Variants in TACC2 observed in about 807,000 individuals in gnomAD.
TACC2 encodes the protein transforming acidic coiled-coil-containing protein 2.
In TACC2, 137 loss-of-function variants were observed where a neutral mutation model predicts 227.3. The observed-to-expected ratio is 0.60, with a 90% CI of 0.52 to 0.69. The LOEUF (loss-of-function observed/expected upper bound fraction) is 0.69. TACC2 is among the 30% of genes least tolerant of loss of function. TACC2 has a pLI of 0.00. For missense variants in TACC2, 3,470 were observed against 3,694.4 expected (o/e 0.94, Z 1.57); for synonymous variants, 1,523 against 1,487.5 (o/e 1.02, Z -0.55).
rs917256555 is a variant in TACC2, at chr10:122,155,363, T to A, written c.5834+11657T>A. On this transcript the variant is annotated intron_variant, in intron 7 of 22. Coordinates refer to ENST00000369005, the MANE Select transcript of TACC2 (RefSeq NM_206862.4). ...CAAAGTAGCCTCTAGAACCAGTGAC[T>A]TTAAACCTTAGAGGAACTCCGTGGA... is the stretch of plus-strand genomic sequence containing the variant. Among the ~76,000 whole-genome samples, 5 of 151,098 alleles carry A rather than the reference T, an allele frequency of 3.3e-5. No homozygotes were observed. The Admixed American group carries it at 3.3e-4, about 10-fold the overall frequency.
chr10:122,113,611 G>A (rs61874298), intron 5 of TACC2, among the ~76,000 whole-genome samples: 24,695 of 152,088 alleles, frequency 0.16, 2,257 homozygotes, highest in East Asian at 0.41. Flanking sequence ...TCCCGCCCTT[G>A]GGGGCCTCCG....
intron 5 of TACC2, among the ~76,000 whole-genome samples, chr10:122,119,039 G>A (rs866652263): frequency 3.3e-5 from 5 of 152,112 alleles, no homozygotes; most frequent in African/African-American, 1.2e-4. Context: ...GTACAGTTTG[G>A]TGGTAAGTAT....
chr10:122,031,171 A>C (rs181824840), intron 2 of TACC2, among the ~76,000 whole-genome samples: 2 of 152,242 alleles, frequency 1.3e-5, no homozygotes, highest in Admixed American at 1.3e-4. Context: ...TAAGCAGAGA[A>C]AGGGATCATT....
At chr10:122,156,499 C>T (rs965404144) in intron 7 of TACC2, among the ~76,000 whole-genome samples, 3 of 152,220 alleles carry the variant, frequency 2.0e-5, no homozygotes, top group African/African-American at 7.2e-5. Context: ...GCTGGGATTA[C>T]AGGCATGAGC....
At chr10:122,048,415 C>CCCTCCCTCCCTT (rs1554979444) in intron 2 of TACC2, among the ~76,000 whole-genome samples, 1 of 131,340 alleles carries the variant, frequency 7.6e-6, no homozygotes, top group Non-Finnish European at 1.6e-5. Context: ...CTCCCTCCCT[C>CCCTCCCTCCCTT]CCTTCCTTCC....
chr10:122,039,089 C>T (rs1315211797), intron 2 of TACC2, among the ~76,000 whole-genome samples: 4 of 152,204 alleles, frequency 2.6e-5, no homozygotes, highest in African/African-American at 9.7e-5. Context: ...GATTCCCCTG[C>T]CTCAGCCTCC....
intron 1 of TACC2, among the ~76,000 whole-genome samples, chr10:121,990,601 T>TCTTCC (rs1001392873): frequency 5.9e-5 from 9 of 151,756 alleles, no homozygotes; most frequent in African/African-American, 2.2e-4. Flanking sequence ...GTCTGCAGAG[T>TCTTCC]CTTGTTTGGC....
chr10:122,010,377 G>C (rs1955774896), intron 1 of TACC2, among the ~76,000 whole-genome samples: 3 of 152,138 alleles, frequency 2.0e-5, no homozygotes, highest in African/African-American at 7.2e-5. Flanking sequence ...TGCTAATCTT[G>C]TCTGCAGAGA....
chr10:122,220,382 T>C (rs1424188589), intron 11 of TACC2, among the ~76,000 whole-genome samples: 2 of 152,186 alleles, frequency 1.3e-5, no homozygotes, highest in African/African-American at 4.8e-5. Context: ...ATTTGGGAAG[T>C]CATGACTATA....
intron 3 of TACC2, chr10:122,079,010 C>G (rs1423510188): frequency 3.9e-5 from 6 of 152,308 alleles, no homozygotes; most frequent in African/African-American, 1.4e-4. Flanking sequence ...GAAGGGAAGC[C>G]ACATCCTTTC....
chr10:122,182,555 A>G (rs576273267), intron 7 of TACC2, among the ~76,000 whole-genome samples: 11 of 152,326 alleles, frequency 7.2e-5, no homozygotes, highest in African/African-American at 2.6e-4. Context: ...CATTACCAAG[A>G]GATGAATGCA....
At chr10:122,134,137 A>G (rs933902493) in intron 6 of TACC2, among the ~76,000 whole-genome samples, 1 of 150,826 alleles carries the variant, frequency 6.6e-6, no homozygotes, top group Non-Finnish European at 1.5e-5. Context: ...GGAAATTTAG[A>G]CGTTCCTTTT....
At chr10:122,033,725 G>A (rs1272757847) in intron 2 of TACC2, among the ~76,000 whole-genome samples, 1 of 152,134 alleles carries the variant, frequency 6.6e-6, no homozygotes, top group Admixed American at 6.5e-5. Flanking sequence ...TCCTGGAGAG[G>A]ACGTTGAGGT....
chr10:122,128,965 A>T (rs138077085), intron 5 of TACC2, among the ~76,000 whole-genome samples: 68 of 152,054 alleles, frequency 4.5e-4, no homozygotes, highest in African/African-American at 1.6e-3. Flanking sequence ...ATTGATACAC[A>T]TAAAATGTGG....
intron 2 of TACC2, among the ~76,000 whole-genome samples, chr10:122,033,963 C>A (rs2135857341): frequency 6.6e-6 from 1 of 152,092 alleles, no homozygotes; most frequent in African/African-American, 2.4e-5. Flanking sequence ...ACCAGCCTGA[C>A]CAACATGGTA....
chr10:122,237,237 G>T (rs1174682770), intron 16 of TACC2, among the ~76,000 whole-genome samples, 158 bp from the exon 17 acceptor site: 1 of 152,162 alleles, frequency 6.6e-6, no homozygotes, highest in African/African-American at 2.4e-5. Context: ...ACTGGACTCG[G>T]CATTTCCCTG....
intron 8 of TACC2, among the ~76,000 whole-genome samples, chr10:122,201,163 C>T (rs72631111): frequency 0.3 from 37,564 of 125,220 alleles, 5,771 homozygotes; most frequent in Non-Finnish European, 0.4. Flanking sequence ...AGTCAGAGGA[C>T]GGCCACCTCA....
At chr10:122,032,761 C>A (rs923122651) in intron 2 of TACC2, among the ~76,000 whole-genome samples, 5 of 152,132 alleles carry the variant, frequency 3.3e-5, no homozygotes, top group Admixed American at 2.0e-4. Context: ...GAGTTCAAAA[C>A]CTTCCTGGCC....
Position 122,082,801 on chromosome 10 carries a change from T to A in TACC2, c.301T>A (p.Ser101Thr). Residue 101 changes from serine to threonine, a missense_variant, in exon 4 of 23, where the codon TCC becomes ACC. Coordinates refer to ENST00000369005, the MANE Select transcript of TACC2 (RefSeq NM_206862.4). ...EGSLLPSPPPSQEREHPSSSM... is the reference protein window; with the variant it reads ...EGSLLPSPPPTQEREHPSSSM... ...TTCTTTGCTGCCCAGCCCACCACCGTCCCAGGAGCGAGAGCACCCCTCGTC... is the reference window on the plus strand; with the variant it reads ...TTCTTTGCTGCCCAGCCCACCACCGACCCAGGAGCGAGAGCACCCCTCGTC... 6.2e-7 allele frequency: 1 copy of A among 1,613,662 alleles called. No homozygotes were observed.
Sources: gnomAD v4.1 joint callset for allele counts (sites outside exome capture counted in the v4.1 genomes callset) on GRCh38, gnomAD v4.1.1 for gene constraint, MANE v1.5 for transcripts, NCBI Gene and HGNC (gene_info 2026-07-23, HGNC 2026-07-21) for gene names.